The following C19orf47 variants were observed in gnomAD, a reference collection of about 807,000 sequenced individuals.
C19orf47 encodes the protein uncharacterized protein C19orf47.
A neutral mutation model predicts 32.3 loss-of-function variants in C19orf47; 18 were observed. That is an observed-to-expected ratio of 0.56 (90% confidence interval 0.39 to 0.83). The LOEUF is 0.83. C19orf47 is among the 40% of genes least tolerant of loss of function. C19orf47 has a pLI of 0.00. For synonymous variants in C19orf47, 202 were observed against 211.1 expected (o/e 0.96, Z 0.37); for missense variants, 484 against 531.6 (o/e 0.91, Z 0.88).
downstream of C19orf47, among the ~76,000 whole-genome samples, chr19:40,317,447 A>T (rs1052427311): frequency 1.3e-5 from 2 of 152,016 alleles, no homozygotes; most frequent in Non-Finnish European, 1.5e-5. Context: ...AAAAGTAAAA[A>T]GTGCTTAATA....
At chr19:40,311,933 A>G in the C19orf47 span, among the ~76,000 whole-genome samples, 2 of 152,220 alleles carry the variant, frequency 1.3e-5, no homozygotes, top group Non-Finnish European at 2.9e-5. Flanking sequence ...CAGGGATTAC[A>G]GGTGTGAGCC....
At chr19:40,339,480 T>C (rs570047714) in intron 2 of C19orf47, among the ~76,000 whole-genome samples, 1 of 152,204 alleles carries the variant, frequency 6.6e-6, no homozygotes, top group Non-Finnish European at 1.5e-5. Context: ...GACAGCAGCA[T>C]TGATAAACAC....
the C19orf47 span, among the ~76,000 whole-genome samples, chr19:40,308,743 C>A: frequency 1.3e-5 from 2 of 150,712 alleles, no homozygotes; most frequent in Non-Finnish European, 1.5e-5. Context: ...GGATTACAGG[C>A]GTGAGCCACC....
At chr19:40,340,851 T>G (rs7508513) in intron 2 of C19orf47, among the ~76,000 whole-genome samples, 60,176 of 150,506 alleles carry the variant, frequency 0.4, 13,110 homozygotes, top group South Asian at 0.61. Context: ...TGATGGTGTG[T>G]GACTATAGTC....
At chr19:40,293,095 T>C in the C19orf47 span, among the ~76,000 whole-genome samples, 444 of 152,224 alleles carry the variant, frequency 2.9e-3, 1 homozygote, top group African/African-American at 0.01. Flanking sequence ...CCTCTGACAC[T>C]TCTTTAAATC....
chr19:40,340,571 C>T (rs890760265), intron 2 of C19orf47, among the ~76,000 whole-genome samples: 1 of 151,638 alleles, frequency 6.6e-6, no homozygotes, highest in African/African-American at 2.4e-5. Context: ...GTCCCAGCTA[C>T]GTGGGAAGCT....
intron 4 of C19orf47, among the ~76,000 whole-genome samples, chr19:40,335,626 T>C (rs2078047813): frequency 1.3e-5 from 2 of 151,128 alleles, no homozygotes; most frequent in African/African-American, 2.4e-5. Flanking sequence ...TTTTTTTTTT[T>C]CTTGAGAGAG....
chr19:40,335,811 G>A (rs1018297614), intron 4 of C19orf47, among the ~76,000 whole-genome samples: 8 of 152,082 alleles, frequency 5.3e-5, no homozygotes, highest in South Asian at 2.1e-4. Flanking sequence ...GGGTTTCACC[G>A]TGTTAGCCAG....
chr19:40,347,222 C>T (rs1199578093), intron 1 of C19orf47, among the ~76,000 whole-genome samples: 2 of 152,124 alleles, frequency 1.3e-5, no homozygotes, highest in African/African-American at 4.8e-5. Flanking sequence ...GCCAGCAATG[C>T]TAGTTTTCCA....
At chr19:40,347,621 A>G (rs2078339701) in intron 1 of C19orf47, among the ~76,000 whole-genome samples, 2 of 152,182 alleles carry the variant, frequency 1.3e-5, no homozygotes, top group Admixed American at 1.3e-4. Flanking sequence ...CATTATCAAG[A>G]AAAAGAAAAA....
downstream of C19orf47, among the ~76,000 whole-genome samples, chr19:40,315,032 T>A (rs562453210): frequency 3.9e-5 from 6 of 152,266 alleles, no homozygotes; most frequent in African/African-American, 1.4e-4. Flanking sequence ...AAAGAAAGTC[T>A]GAGCAACTGC....
At chr19:40,318,064 G>A (rs7508604), downstream of C19orf47, among the ~76,000 whole-genome samples, 37,578 of 151,832 alleles carry the variant, frequency 0.25, 4,781 homozygotes, top group Middle Eastern at 0.29. Flanking sequence ...TTCTCCAAAA[G>A]GGCTATGTTT....
rs2077718144 is a variant in C19orf47 at position 40,321,564 on chromosome 19, G to A, written c.*318C>T. 1 of 1,118,184 alleles carries A rather than the reference G, an allele frequency of 8.9e-7. No homozygotes were observed. The highest frequency in any genetic ancestry group is 5.6e-5 in the East Asian group (1 of 17,740). 69.3% of individuals were successfully genotyped at this position (1,118,184 alleles called of 1,614,324 possible). On this transcript the variant is annotated 3_prime_UTR_variant, in exon 9 of 9. Coordinates refer to ENST00000683109, the MANE Select transcript of C19orf47 (RefSeq NM_001256441.2). ...AGCAGACCCTGCTCAGGGGAAGAAG[G>A]GGAATGTAGGAGAGGAAGAAGCCCC...
At chr19:40,315,419 G>A (rs1184430564), downstream of C19orf47, among the ~76,000 whole-genome samples, 1 of 152,114 alleles carries the variant, frequency 6.6e-6, no homozygotes, top group Non-Finnish European at 1.5e-5. Flanking sequence ...GCTGAGGTGA[G>A]TACATCGCTT....
intron 4 of C19orf47, among the ~76,000 whole-genome samples, chr19:40,335,543 C>T (rs899699696): frequency 4.6e-5 from 7 of 151,758 alleles, no homozygotes; most frequent in African/African-American, 1.7e-4. Context: ...CCCAGGAGTT[C>T]GACACCAGCT....
the C19orf47 span, among the ~76,000 whole-genome samples, chr19:40,302,883 G>A: frequency 6.6e-6 from 1 of 152,136 alleles, no homozygotes; most frequent in Non-Finnish European, 1.5e-5. Flanking sequence ...TAGAAGACTT[G>A]ATAGAGACTT....
intron 1 of C19orf47, chr19:40,343,731 A>C (rs1405445741): frequency 1.3e-5 from 2 of 151,256 alleles, no homozygotes; most frequent in African/African-American, 2.4e-5. Flanking sequence ...CTAAGTCCCC[A>C]CATATGAGAC....
At chr19:40,334,581 C>T (rs955154142) in intron 4 of C19orf47, among the ~76,000 whole-genome samples, 1 of 152,156 alleles carries the variant, frequency 6.6e-6, no homozygotes, top group African/African-American at 2.4e-5. Context: ...AACCCCATCT[C>T]TACTAAAATT....
chr19:40,321,768 G>C lies in C19orf47; in HGVS notation c.*114C>G. Reference sequence around the variant, plus strand: ...CTCGGGCCTAGCTCTAGAGCCCGAGGGAGACAAGCTGTGTCATCCAGGAGC... The same window carrying C: ...CTCGGGCCTAGCTCTAGAGCCCGAGCGAGACAAGCTGTGTCATCCAGGAGC... On this transcript the variant is annotated 3_prime_UTR_variant, in exon 9 of 9. Transcript: ENST00000683109. The C allele has an allele frequency of 6.9e-7, 1 of 1,439,338 alleles. No individual in the cohort carries two copies. Among genetic ancestry groups the C allele is most frequent in the Non-Finnish European group, 9.1e-7 (1 of 1,101,004 alleles). 89.2% of individuals were successfully genotyped at this position (1,439,338 alleles called of 1,614,324 possible). A position where few individuals can be genotyped will look rare whatever the true frequency, so the allele number is the denominator to read the frequency against.
Sources: gnomAD v4.1 joint callset for allele counts (sites outside exome capture counted in the v4.1 genomes callset) on GRCh38, gnomAD v4.1.1 for gene constraint, MANE v1.5 for transcripts, NCBI Gene and HGNC (gene_info 2026-07-23, HGNC 2026-07-21) for gene names.